Variants in MCTP1 observed in about 807,000 individuals in gnomAD.
MCTP1 encodes multiple C2 and transmembrane domain containing 1.
In MCTP1, 69 loss-of-function variants were observed where a neutral mutation model predicts 120.6. The observed-to-expected ratio is 0.57, with a 90% confidence interval of 0.47 to 0.70. MCTP1 has a LOEUF of 0.70. MCTP1 is among the 30% of genes least tolerant of loss of function. The pLI, the probability that MCTP1 is intolerant of heterozygous loss-of-function variation, is 0.00. For missense variants in MCTP1, 1,203 were observed against 1,248.8 expected, an observed-to-expected ratio of 0.96 and a Z score of 0.55; for synonymous variants, 529 against 493.1, an observed-to-expected ratio of 1.07 and a Z score of -0.96.
intron 17 of MCTP1, among the ~76,000 whole-genome samples, chr5:94,814,271 G>A (rs532543784): frequency 6.6e-6 from 1 of 152,304 alleles, no homozygotes; most frequent in African/African-American, 2.4e-5. Flanking sequence ...CTAAACTTTT[G>A]TGGGGGTAAA....
intron 1 of MCTP1, among the ~76,000 whole-genome samples, chr5:95,167,443 C>A (rs1746563594): frequency 6.6e-6 from 1 of 152,164 alleles, no homozygotes; most frequent in Non-Finnish European, 1.5e-5. Context: ...ATGGCTGGGT[C>A]AAATGGTATT....
intron 17 of MCTP1, among the ~76,000 whole-genome samples, chr5:94,811,391 C>T (rs897576990): frequency 2.6e-5 from 4 of 152,116 alleles, no homozygotes; most frequent in Non-Finnish European, 5.9e-5. Flanking sequence ...CAGAAGTTAT[C>T]AGAGAACACT....
intron 19 of MCTP1, among the ~76,000 whole-genome samples, chr5:94,721,041 C>T (rs1332553119): frequency 6.6e-6 from 1 of 152,140 alleles, no homozygotes; most frequent in African/African-American, 2.4e-5. Flanking sequence ...ACCATATGAC[C>T]TTCCTATTCA....
In MCTP1 at chr5:95,048,932, A is replaced by G. The variant is rs17084380; in HGVS notation, c.721-31448T>C. On this transcript the variant is annotated intron_variant, in intron 1 of 22. Transcript: ENST00000515393. ...CAGTGCTTCAATTTACTTCCAAAGAACTCCATTCTAGCCATTGGAAAAGAG... is the reference window on the plus strand; with the variant it reads ...CAGTGCTTCAATTTACTTCCAAAGAGCTCCATTCTAGCCATTGGAAAAGAG... 4.2e-3 allele frequency among the ~76,000 whole-genome samples: 638 copies of G among 152,124 alleles called. 2 individuals carry two copies. The highest frequency in any genetic ancestry group is 0.015 in the African/African-American group (610 of 41,506).
At chr5:94,952,922 A>C (rs77475676) in intron 3 of MCTP1, among the ~76,000 whole-genome samples, 297 of 152,314 alleles carry the variant, frequency 1.9e-3, no homozygotes, top group African/African-American at 7.0e-3. Context: ...ACTTATATGG[A>C]AACTTGTTTT....
At chr5:94,973,202 G>A (rs1328513847) in intron 2 of MCTP1, among the ~76,000 whole-genome samples, 1 of 152,162 alleles carries the variant, frequency 6.6e-6, no homozygotes, top group Non-Finnish European at 1.5e-5. Context: ...GGCAGCTCTA[G>A]AATCCATTAC....
At chr5:94,745,486 T>C (rs1461780193) in intron 19 of MCTP1, among the ~76,000 whole-genome samples, 1 of 152,194 alleles carries the variant, frequency 6.6e-6, no homozygotes, top group African/African-American at 2.4e-5. Flanking sequence ...TTATTCCCAT[T>C]TTGCAGATGA....
intron 17 of MCTP1, among the ~76,000 whole-genome samples, chr5:94,806,615 A>G (rs966682809): frequency 2.0e-5 from 3 of 152,220 alleles, no homozygotes; most frequent in Non-Finnish European, 2.9e-5. Context: ...GACACATGAC[A>G]GTATCCCTGG....
chr5:95,114,893 G>A (rs1402400046), intron 1 of MCTP1, among the ~76,000 whole-genome samples: 1 of 152,152 alleles, frequency 6.6e-6, no homozygotes, highest in Non-Finnish European at 1.5e-5. Context: ...AGACACAGTG[G>A]TGCTTGTGTC....
chr5:94,990,455 T>G (rs990875751), intron 2 of MCTP1, among the ~76,000 whole-genome samples: 2 of 152,210 alleles, frequency 1.3e-5, no homozygotes, highest in Non-Finnish European at 2.9e-5. Context: ...GGCCTTTAGC[T>G]GCCAGAGATC....
intron 1 of MCTP1, among the ~76,000 whole-genome samples, chr5:95,225,200 A>AGAAT (rs1754122981): frequency 6.6e-6 from 1 of 152,172 alleles, no homozygotes; most frequent in African/African-American, 2.4e-5. Flanking sequence ...TTCTCCATGG[A>AGAAT]CTCAGCCTAC....
intron 1 of MCTP1, among the ~76,000 whole-genome samples, chr5:95,030,041 G>C (rs1245778111): frequency 6.6e-6 from 1 of 152,154 alleles, no homozygotes. Flanking sequence ...TCTGGCCGGG[G>C]AAGAGGTTCT....
At chr5:94,835,721 C>T (rs1789575929) in intron 17 of MCTP1, among the ~76,000 whole-genome samples, 1 of 152,176 alleles carries the variant, frequency 6.6e-6, no homozygotes, top group Non-Finnish European at 1.5e-5. Context: ...GAGAATTCTT[C>T]AGGCCAGGAG....
At position 94,912,894 on chromosome 5, in the gene MCTP1, T is replaced by C; in HGVS notation, c.1433A>G (p.Glu478Gly). Reference protein sequence around the residue: ...WRGIVSITLIEGRDLKAMDSN... With the variant: ...WRGIVSITLIGGRDLKAMDSN... ...ATCCATGGCCTTGAGGTCTCTCCCT[T>C]CAATCAAGGTGATGCTGACTATTCC... is the stretch of plus-strand genomic sequence containing the variant. Residue 478 changes from glutamate to glycine, a missense_variant, in exon 9 of 23, where the codon GAA becomes GGA. Physicochemically the swap from Glu to Gly is moderately conservative, Grantham distance 98. This residue lies in a region of MCTP1 where 740 missense variants were observed against 871.1 expected (regional missense o/e 0.85). Coordinates refer to ENST00000515393, the MANE Select transcript of MCTP1 (RefSeq NM_024717.7). The C allele has an allele frequency of 6.2e-7, 1 of 1,602,150 alleles. No homozygotes were observed. Among genetic ancestry groups the C allele is most frequent in the South Asian group, 1.1e-5 (1 of 89,152 alleles).
At chr5:94,748,852 A>C (rs185583978) in intron 19 of MCTP1, among the ~76,000 whole-genome samples, 1 of 152,224 alleles carries the variant, frequency 6.6e-6, no homozygotes, top group South Asian at 2.1e-4. Context: ...ATATTTTACT[A>C]TCCAAGAGGA....
intron 2 of MCTP1, among the ~76,000 whole-genome samples, chr5:95,007,612 T>C (rs1321797263): frequency 6.6e-6 from 1 of 152,212 alleles, no homozygotes; most frequent in Non-Finnish European, 1.5e-5. Flanking sequence ...ACAGAATATG[T>C]TTCAGTTTTA....
At chr5:94,914,725 G>A (rs1387649102) in intron 8 of MCTP1, among the ~76,000 whole-genome samples, 1 of 152,298 alleles carries the variant, frequency 6.6e-6, no homozygotes, top group East Asian at 1.9e-4. Context: ...AGAACTCCAT[G>A]CCCACTTCAG....
chr5:94,788,461 TG>T (rs1350100652), intron 18 of MCTP1, among the ~76,000 whole-genome samples: 1 of 152,208 alleles, frequency 6.6e-6, no homozygotes, highest in Non-Finnish European at 1.5e-5. Flanking sequence ...ACATATCATT[TG>T]TTTTCCACTT....
chr5:95,213,896 A>C (rs1359240273), intron 1 of MCTP1, among the ~76,000 whole-genome samples: 1 of 152,238 alleles, frequency 6.6e-6, no homozygotes, highest in Non-Finnish European at 1.5e-5. Context: ...CGTTAGACCT[A>C]AAATCATAAA....
Sources: gnomAD v4.1 joint callset for allele counts (sites outside exome capture counted in the v4.1 genomes callset) on GRCh38, gnomAD v4.1.1 for gene constraint, gnomAD v4.1.1 regional missense constraint, MANE v1.5 for transcripts, NCBI Gene and HGNC (gene_info 2026-07-23, HGNC 2026-07-21) for gene names.